Variants in KCNQ3 observed in about 807,000 individuals in gnomAD.
KCNQ3 encodes potassium voltage-gated channel subfamily Q member 3.
KCNQ3 carries 30 observed loss-of-function variants against 92.5 expected under a neutral mutation model. The ratio of observed to expected loss-of-function variants is 0.32; its 90% CI spans 0.24 to 0.44. The LOEUF (loss-of-function observed/expected upper bound fraction) is 0.44, where lower values mean the gene tolerates loss of function less well. Among genes scored for constraint, KCNQ3 ranks in the 20% least tolerant of loss-of-function variants. The probability of loss-of-function intolerance (pLI) is 1.00; values close to 1 mark genes in which losing one functional copy is unlikely to be tolerated. For missense variants in KCNQ3, 913 were observed against 1,140.3 expected, an observed-to-expected ratio of 0.80 and a Z score of 2.87; for synonymous variants, 450 against 468.8, an observed-to-expected ratio of 0.96 and a Z score of 0.52.
At chr8:132,435,263 T>C (rs757287416) in intron 1 of KCNQ3, among the ~76,000 whole-genome samples, 4 of 152,214 alleles carry the variant, frequency 2.6e-5, no homozygotes, top group Admixed American at 6.5e-5. Flanking sequence ...ACAGACACAA[T>C]AGATGCTCAA....
At chr8:132,392,603 C>G (rs1340338465) in intron 1 of KCNQ3, among the ~76,000 whole-genome samples, 1 of 151,950 alleles carries the variant, frequency 6.6e-6, no homozygotes, top group East Asian at 1.9e-4. Context: ...CTGCAACACT[C>G]TTAACCTGAG....
chr8:132,294,931 C>G (rs1266855702), intron 1 of KCNQ3, among the ~76,000 whole-genome samples: 1 of 152,136 alleles, frequency 6.6e-6, no homozygotes, highest in African/African-American at 2.4e-5. Context: ...AAACCCAAAA[C>G]TACAAAAACC....
chr8:132,173,869 A>G (rs942936500), intron 6 of KCNQ3, among the ~76,000 whole-genome samples: 7 of 152,252 alleles, frequency 4.6e-5, no homozygotes, highest in African/African-American at 1.7e-4. Flanking sequence ...CTGGGAATGC[A>G]TGAATGAAAA....
intron 1 of KCNQ3, among the ~76,000 whole-genome samples, chr8:132,353,182 C>T (rs1459833764): frequency 6.6e-6 from 1 of 151,652 alleles, no homozygotes; most frequent in Admixed American, 6.6e-5. Flanking sequence ...GCCGAGATCG[C>T]GCCACTGTAC....
chr8:132,429,324 G>C (rs537784899), intron 1 of KCNQ3, among the ~76,000 whole-genome samples: 103 of 152,276 alleles, frequency 6.8e-4, no homozygotes, highest in Middle Eastern at 3.4e-3. Flanking sequence ...ATCTCTGGGC[G>C]AGGCAGAACT....
At chr8:132,281,436 T>C (rs1266742583) in intron 1 of KCNQ3, among the ~76,000 whole-genome samples, 9 of 152,098 alleles carry the variant, frequency 5.9e-5, no homozygotes, top group Non-Finnish European at 8.8e-5. Flanking sequence ...ATATTATATA[T>C]ATACTTGGAA....
At chr8:132,140,239 C>A in intron 10 of KCNQ3, 61 bp from the exon 11 acceptor site, 2 of 1,234,312 alleles carry the variant, frequency 1.6e-6, no homozygotes, top group African/African-American at 1.5e-5. Context: ...TTGGGGACCC[C>A]ACTGTTCGGT....
intron 1 of KCNQ3, among the ~76,000 whole-genome samples, chr8:132,235,930 C>T (rs1814799008): frequency 6.8e-6 from 1 of 146,788 alleles, no homozygotes; most frequent in Non-Finnish European, 1.6e-5. Context: ...TCATCTGACA[C>T]ATGACTTGGC....
chr8:132,365,146 C>T (rs1474109464), intron 1 of KCNQ3, among the ~76,000 whole-genome samples: 4 of 151,952 alleles, frequency 2.6e-5, no homozygotes, highest in Non-Finnish European at 5.9e-5. Context: ...CTTTTTACAC[C>T]CAGAGTCAAG....
chr8:132,228,969 C>T (rs1242713946), intron 1 of KCNQ3, among the ~76,000 whole-genome samples: 1 of 151,992 alleles, frequency 6.6e-6, no homozygotes, highest in Non-Finnish European at 1.5e-5. Flanking sequence ...AAAAATCTTT[C>T]TGGAGGCTGG....
At chr8:132,345,685 C>G (rs1018866406) in intron 1 of KCNQ3, among the ~76,000 whole-genome samples, 1 of 152,196 alleles carries the variant, frequency 6.6e-6, no homozygotes, top group Non-Finnish European at 1.5e-5. Flanking sequence ...TTACCCCTAT[C>G]TCTGAAATGC....
chr8:132,174,491 C>A (rs1299599724), intron 5 of KCNQ3, 142 bp from the exon 6 acceptor site: 2 of 711,236 alleles, frequency 2.8e-6, no homozygotes, highest in African/African-American at 1.8e-5. Context: ...AGAAAAGACA[C>A]CAAGTACCTA....
intron 1 of KCNQ3, among the ~76,000 whole-genome samples, chr8:132,478,200 G>A (rs1484604587): frequency 6.6e-6 from 1 of 152,132 alleles, no homozygotes; most frequent in Non-Finnish European, 1.5e-5. Context: ...TCTGCTTCCA[G>A]GTGATGCAAT....
intron 1 of KCNQ3, among the ~76,000 whole-genome samples, chr8:132,312,409 A>G (rs1817621281): frequency 6.6e-6 from 1 of 152,236 alleles, no homozygotes; most frequent in Non-Finnish European, 1.5e-5. Flanking sequence ...AACAGCTATG[A>G]CAGACTATGT....
intron 1 of KCNQ3, among the ~76,000 whole-genome samples, chr8:132,448,502 G>GAAAAAAAAAAAAA: frequency 1.5e-4 from 14 of 93,884 alleles, no homozygotes; most frequent in South Asian, 8.0e-4. Context: ...GGAGAAATAT[G>GAAAAAAAAAAAAA]AAAAAAAAAA....
At chr8:132,249,836 C>T (rs1418520243) in intron 1 of KCNQ3, among the ~76,000 whole-genome samples, 1 of 152,178 alleles carries the variant, frequency 6.6e-6, no homozygotes, top group Non-Finnish European at 1.5e-5. Flanking sequence ...AGAATTCAAG[C>T]ACAACGTTGG....
intron 1 of KCNQ3, among the ~76,000 whole-genome samples, chr8:132,394,589 C>A (rs1022096489): frequency 3.3e-5 from 5 of 152,050 alleles, no homozygotes; most frequent in African/African-American, 1.2e-4. Flanking sequence ...CAGAGTGAAA[C>A]CTTTGGTATT....
intron 1 of KCNQ3, among the ~76,000 whole-genome samples, chr8:132,375,693 G>A (rs1819587617): frequency 1.3e-5 from 2 of 152,132 alleles, no homozygotes; most frequent in Admixed American, 6.5e-5. Flanking sequence ...AAGAATGCAC[G>A]GAAACAATTC....
chr8:132,328,800 T>A (rs1818142425), intron 1 of KCNQ3, among the ~76,000 whole-genome samples: 1 of 152,116 alleles, frequency 6.6e-6, no homozygotes, highest in Non-Finnish European at 1.5e-5. Flanking sequence ...ACTCTACCAC[T>A]CTTTCTCATT....
Sources: gnomAD v4.1 joint callset for allele counts (sites outside exome capture counted in the v4.1 genomes callset) on GRCh38, gnomAD v4.1.1 for gene constraint, MANE v1.5 for transcripts, NCBI Gene and HGNC (gene_info 2026-07-23, HGNC 2026-07-21) for gene names.